Variants in C4orf33 observed in about 807,000 individuals in gnomAD.
C4orf33 encodes the protein UPF0462 protein C4orf33.
C4orf33 carries 20 observed loss-of-function variants against 24.3 expected under a neutral mutation model. The observed-to-expected ratio is 0.82, with a 90% CI of 0.58 to 1.19. The LOEUF is 1.19. C4orf33 is among the 50% of genes most tolerant of loss of function. The pLI, the probability that C4orf33 is intolerant of heterozygous loss-of-function variation, is 0.00. For missense variants in C4orf33, 207 were observed against 225.9 expected (o/e 0.92, Z 0.54); for synonymous variants, 67 against 76.4 (o/e 0.88, Z 0.64).
At chr4:129,102,816 T>G in intron 2 of C4orf33, 25 bp downstream of exon 2, 1 of 1,581,968 alleles carries the variant, frequency 6.3e-7, no homozygotes, top group Non-Finnish European at 8.6e-7. Flanking sequence ...TGTATTTTAT[T>G]GCAAACATAA....
rs1479760265 is a variant in C4orf33, at chr4:129,115,806, ATATAT to A, written c.*4016_*4020del. On this transcript the variant is annotated 3_prime_UTR_variant, in exon 6 of 6. Coordinates refer to ENST00000425929, the MANE Select transcript of C4orf33 (RefSeq NM_001099783.2). The stretch of plus-strand genomic sequence containing the variant: ...CCTAACAAATCTTCTAACTAAATAT[ATATAT>A]ATATATATATATATATATAAAATAT... 1.6e-5 allele frequency: 1 copy of A among 63,922 alleles called. No individual in the cohort carries two copies. Among genetic ancestry groups the A allele is most frequent in the Non-Finnish European group, 3.5e-5 (1 of 28,632 alleles). 4.0% of individuals were successfully genotyped at this position (63,922 alleles called of 1,614,324 possible). A position where few individuals can be genotyped will look rare whatever the true frequency, so the allele number is the denominator to read the frequency against.
At chr4:129,106,727 A>G in intron 3 of C4orf33, 80 bp downstream of exon 3, 1 of 717,848 alleles carries the variant, frequency 1.4e-6, no homozygotes, top group South Asian at 1.9e-5. Flanking sequence ...ATATAGTAAA[A>G]GCTCATTAAT....
intron 3 of C4orf33, among the ~76,000 whole-genome samples, chr4:129,107,909 C>A (rs1052468350): frequency 6.6e-6 from 1 of 151,890 alleles, no homozygotes; most frequent in Non-Finnish European, 1.5e-5. Flanking sequence ...TAGATTCTCT[C>A]TTGTTAAGAA....
rs371966203 is a variant in C4orf33 at position 129,109,359 on chromosome 4, G to A, written c.294+1G>A. On this transcript the variant is annotated splice_donor_variant, in intron 4 of 5. Coordinates refer to ENST00000425929, the MANE Select transcript of C4orf33 (RefSeq NM_001099783.2). LOFTEE classifies it high-confidence loss of function. Reference sequence around the variant, plus strand: ...TTCTGGAAGAAGAAATGTGTGGAAAGTAAGTAAATAAAAATAGGAGGCAAA... The same window carrying A: ...TTCTGGAAGAAGAAATGTGTGGAAAATAAGTAAATAAAAATAGGAGGCAAA... The A allele has an allele frequency of 3.1e-6, 5 of 1,613,730 alleles. No individual in the cohort carries two copies. The highest frequency in any genetic ancestry group is 1.3e-5 in the African/African-American group (1 of 74,944).
intron 2 of C4orf33, chr4:129,103,015 GA>G: frequency 4.2e-6 from 1 of 240,614 alleles, no homozygotes; most frequent in Non-Finnish European, 7.4e-6. Context: ...TACAAATCCA[GA>G]TTTTTTTTTT....
chr4:129,102,851 G>T (rs1753401942), intron 2 of C4orf33, 60 bp downstream of exon 2: 1 of 1,444,774 alleles, frequency 6.9e-7, no homozygotes, highest in Middle Eastern at 1.8e-4. Context: ...ACCTCTCACA[G>T]AACTATTATT....
At chr4:129,110,964 A>G (rs1867951) in intron 5 of C4orf33, among the ~76,000 whole-genome samples, 2 of 152,174 alleles carry the variant, frequency 1.3e-5, no homozygotes, top group South Asian at 2.1e-4. Context: ...CAAGGTCCTC[A>G]TATCAAGACG....
chr4:129,100,021 TGCACTATTCCCTACTTGTG>T (rs1753307724), intron 1 of C4orf33, among the ~76,000 whole-genome samples: 1 of 152,164 alleles, frequency 6.6e-6, no homozygotes, highest in East Asian at 1.9e-4. Flanking sequence ...TGATCAGCCA[TGCACTATTCCCTACTTGTG>T]GAAGTCTAGT....
rs1304953162 is a variant in C4orf33, at chr4:129,115,817, T to TAATATATATGTTTATATATAAC, written c.*4027_*4028insATATATATGTTTATATATAACA. 7 of 141,916 alleles carry TAATATATATGTTTATATATAAC rather than the reference T, an allele frequency of 4.9e-5. No individual in the cohort carries two copies. The highest frequency in any genetic ancestry group is 1.6e-4 in the African/African-American group (6 of 38,080). 8.8% of individuals were successfully genotyped at this position (141,916 alleles called of 1,614,324 possible). On this transcript the variant is annotated 3_prime_UTR_variant, in exon 6 of 6. Transcript: ENST00000425929. The stretch of plus-strand genomic sequence containing the variant: ...TTCTAACTAAATATATATATATATA[T>TAATATATATGTTTATATATAAC]ATATATATATATAAAATATATATGT...
intron 3 of C4orf33, 100 bp downstream of exon 3, chr4:129,106,747 A>C: frequency 3.3e-6 from 2 of 610,256 alleles, no homozygotes; most frequent in African/African-American, 1.9e-5. Flanking sequence ...TTCCAGAGTA[A>C]GAATGGTACT....
At chr4:129,101,776 G>A (rs1753358656) in intron 1 of C4orf33, among the ~76,000 whole-genome samples, 1 of 152,124 alleles carries the variant, frequency 6.6e-6, no homozygotes, top group Non-Finnish European at 1.5e-5. Context: ...AATTTAAAAT[G>A]CAAAAACTGC....
At chr4:129,102,872 G>A (rs1161619207) in intron 2 of C4orf33, 81 bp downstream of exon 2, 1 of 1,323,250 alleles carries the variant, frequency 7.6e-7, no homozygotes, top group African/African-American at 1.5e-5. Flanking sequence ...TTATCTTGCT[G>A]TTGGGAAGTA....
At chr4:129,093,909 T>C (rs913967420), upstream of C4orf33, 4 of 152,268 alleles carry the variant, frequency 2.6e-5, no homozygotes, top group Non-Finnish European at 5.9e-5. Context: ...CTTTCTGGAC[T>C]AAGTAAAAGA....
chr4:129,100,610 A>G (rs903718941), intron 1 of C4orf33: 2 of 152,202 alleles, frequency 1.3e-5, no homozygotes, highest in African/African-American at 4.8e-5. Flanking sequence ...GCTGGGAATT[A>G]AGAAGTCCCT....
intron 3 of C4orf33, among the ~76,000 whole-genome samples, chr4:129,108,528 A>G (rs1029166932): frequency 6.6e-6 from 1 of 152,166 alleles, no homozygotes; most frequent in African/African-American, 2.4e-5. Context: ...CTAGTTGTAG[A>G]CTGTCTATGT....
Position 129,109,612 on chromosome 4 carries a change from G to A in C4orf33, c.434G>A (p.Ser145Asn), listed in dbSNP as rs762684903. ...FAIHGSKDKR[S>N]YEALYPVPQH... ...ATTCATGGATCAAAAGATAAACGAA[G>A]TTATGAAGCTCTTTACCCTGTACCT... The change falls in exon 5 of 6, where the codon AGT becomes AAT. Residue 145 changes from serine to asparagine, a missense_variant. Ser to Asn is a conservative substitution (Grantham distance 46). Transcript: ENST00000425929. 58 of 1,613,934 alleles carry A rather than the reference G, an allele frequency of 3.6e-5. No homozygotes were observed. The highest frequency in any genetic ancestry group is 4.6e-5 in the Non-Finnish European group (54 of 1,180,022).
chr4:129,115,820 A>ATAATATATATGTTTATATAT lies in C4orf33; in HGVS notation c.*4031_*4032insATATATATGTTTATATATTA, dbSNP rs1456848136. On this transcript the variant is annotated 3_prime_UTR_variant, in exon 6 of 6. Transcript: ENST00000425929. ...TAACTAAATATATATATATATATAT[A>ATAATATATATGTTTATATAT]TATATATATAAAATATATATGTTTA... The ATAATATATATGTTTATATAT allele has an allele frequency of 5.3e-5, 5 of 94,256 alleles. No homozygotes were observed. Among genetic ancestry groups the ATAATATATATGTTTATATAT allele is most frequent in the African/African-American group, 1.8e-4 (5 of 27,646 alleles). 5.8% of individuals were successfully genotyped at this position (94,256 alleles called of 1,614,324 possible). A position where few individuals can be genotyped will look rare whatever the true frequency, so the allele number is the denominator to read the frequency against.
chr4:129,109,186 C>A, intron 3 of C4orf33, 121 bp from the exon 4 acceptor site: 2 of 1,068,920 alleles, frequency 1.9e-6, no homozygotes, highest in Non-Finnish European at 2.9e-6. Context: ...CCATGCTCAG[C>A]CTGCATCTTT....
rs1753742176 is a variant in C4orf33 at position 129,114,262 on chromosome 4, G to A, written c.*2471G>A. 2 of 152,110 alleles carry A rather than the reference G, an allele frequency of 1.3e-5. No homozygotes were observed. The highest frequency in any genetic ancestry group is 6.5e-5 in the Admixed American group (1 of 15,274). The allele number at this position is 152,110 out of a possible 1,614,324, so 9.4% of individuals were successfully genotyped here. On this transcript the variant is annotated 3_prime_UTR_variant, in exon 6 of 6. Transcript: ENST00000425929. ...GTGAAGGGACTAAAACACCCCATGG[G>A]GCACCTCTTGACCAAAGAGGGTGGG...
Sources: gnomAD v4.1 joint callset for allele counts (sites outside exome capture counted in the v4.1 genomes callset) on GRCh38, gnomAD v4.1.1 for gene constraint, MANE v1.5 for transcripts, NCBI Gene and HGNC (gene_info 2026-07-23, HGNC 2026-07-21) for gene names.